Variants in EXOC4 observed in about 807,000 individuals in gnomAD.
EXOC4 encodes exocyst complex component 4.
In EXOC4, 71 loss-of-function variants were observed where a neutral mutation model predicts 107.2. The observed-to-expected ratio is 0.66, with a 90% CI of 0.55 to 0.81. The LOEUF is 0.81. Ranked by LOEUF, EXOC4 falls within the 30% of genes least tolerant of loss-of-function variation. The pLI is 0.00. For synonymous variants in EXOC4, 456 were observed against 441.2 expected, an observed-to-expected ratio of 1.03 and a Z score of -0.42; for missense variants, 1,108 against 1,189.6, an observed-to-expected ratio of 0.93 and a Z score of 1.01.
At position 134,064,314 on chromosome 7, in the gene EXOC4, A is replaced by T; in HGVS notation, c.2711A>T (p.Asn904Ile). The change falls in exon 18 of 18, where the codon AAC becomes ATC. Residue 904 changes from asparagine (N) to isoleucine (I), a missense_variant. Physicochemically the swap from Asn to Ile is moderately radical, Grantham distance 149. Coordinates refer to ENST00000253861, the MANE Select transcript of EXOC4 (RefSeq NM_021807.4). ...FARQYYEMLY[N>I]TADELLNLVV... ...AGGCAGTACTACGAGATGCTTTACA[A>T]CACAGCTGACGAGCTCCTGAACCTG... is the stretch of plus-strand genomic sequence containing the variant. The T allele has an allele frequency of 6.7e-7, 1 of 1,485,356 alleles. No homozygotes were observed. Among genetic ancestry groups the T allele is most frequent in the South Asian group, 1.4e-5 (1 of 72,344 alleles). The allele number at this position is 1,485,356 out of a possible 1,614,324, so 92.0% of individuals were successfully genotyped here.
chr7:134,061,424 C>T (rs1485016011), intron 17 of EXOC4, among the ~76,000 whole-genome samples: 2 of 152,192 alleles, frequency 1.3e-5, no homozygotes, highest in African/African-American at 4.8e-5. Context: ...CAAACAGACT[C>T]TGACTGAGTC....
intron 10 of EXOC4, among the ~76,000 whole-genome samples, chr7:133,699,946 C>G (rs1030247750): frequency 6.6e-6 from 1 of 152,158 alleles, no homozygotes; most frequent in Admixed American, 6.5e-5. Flanking sequence ...AAACCGAGGT[C>G]TGAGGTAGCT....
At chr7:133,287,144 T>A (rs187137320) in intron 2 of EXOC4, among the ~76,000 whole-genome samples, 64 of 152,274 alleles carry the variant, frequency 4.2e-4, no homozygotes, top group African/African-American at 1.4e-3. Context: ...TACCATCCCT[T>A]ATTTGCTGTT....
At chr7:133,627,083 A>G (rs1802474195) in intron 9 of EXOC4, among the ~76,000 whole-genome samples, 2 of 152,222 alleles carry the variant, frequency 1.3e-5, no homozygotes. Context: ...TCCTGGTGGG[A>G]AAAAGTGACA....
chr7:133,522,451 A>G (rs1166504988), intron 9 of EXOC4, among the ~76,000 whole-genome samples: 1 of 152,166 alleles, frequency 6.6e-6, no homozygotes, highest in African/African-American at 2.4e-5. Flanking sequence ...TTTATTTATA[A>G]GGCAATTGAA....
At chr7:133,380,095 G>A (rs567601741) in intron 7 of EXOC4, among the ~76,000 whole-genome samples, 1 of 151,812 alleles carries the variant, frequency 6.6e-6, no homozygotes, top group South Asian at 2.1e-4. Context: ...GTTGTGGGGT[G>A]GGGGGATGGG....
intron 10 of EXOC4, among the ~76,000 whole-genome samples, chr7:133,735,025 A>G (rs757730111): frequency 2.3e-4 from 34 of 146,610 alleles, no homozygotes; most frequent in Non-Finnish European, 4.3e-4. Flanking sequence ...CCTGTCCAAC[A>G]TGGTGAAACC....
Position 133,746,996 on chromosome 7 carries a change from A to C in EXOC4, c.1515-70329A>C, listed in dbSNP as rs548529314. ...AAGTCAGAGGTTCAGACTGGTGTTT[A>C]TTGACTGGGTAATACTAGTAGTACA... On this transcript the variant is annotated intron_variant, in intron 10 of 17. Transcript: ENST00000253861. Among the ~76,000 whole-genome samples the C allele has an allele frequency of 2.6e-5, 4 of 152,270 alleles. No individual in the cohort carries two copies. The South Asian group carries it at 8.3e-4, about 32-fold the overall frequency.
chr7:133,776,238 T>C (rs1435773911), intron 10 of EXOC4, among the ~76,000 whole-genome samples: 1 of 152,010 alleles, frequency 6.6e-6, no homozygotes, highest in African/African-American at 2.4e-5. Context: ...GTCGGTTCTA[T>C]GAATACAAAT....
chr7:133,828,462 C>G (rs1797746187), intron 11 of EXOC4, among the ~76,000 whole-genome samples: 1 of 152,190 alleles, frequency 6.6e-6, no homozygotes, highest in South Asian at 2.1e-4. Context: ...AGGTTCTTAT[C>G]CTAAGCAGTT....
chr7:134,092,258 T>C, the EXOC4 span, among the ~76,000 whole-genome samples: 6 of 152,086 alleles, frequency 3.9e-5, no homozygotes, highest in Non-Finnish European at 7.4e-5. Context: ...AAAGGGTAAA[T>C]ATTATGTATG....
chr7:133,298,407 G>T (rs1185265366), intron 3 of EXOC4, among the ~76,000 whole-genome samples: 1 of 152,036 alleles, frequency 6.6e-6, no homozygotes, highest in Non-Finnish European at 1.5e-5. Flanking sequence ...ACTTTTTCTT[G>T]TCCCAGAGTA....
At chr7:133,466,304 A>G (rs781658281) in intron 7 of EXOC4, among the ~76,000 whole-genome samples, 2 of 152,158 alleles carry the variant, frequency 1.3e-5, no homozygotes, top group Non-Finnish European at 2.9e-5. Flanking sequence ...CTTTAAGTAG[A>G]CCAACCAATT....
At chr7:133,922,037 C>T (rs571819177) in intron 13 of EXOC4, among the ~76,000 whole-genome samples, 1 of 152,260 alleles carries the variant, frequency 6.6e-6, no homozygotes, top group East Asian at 1.9e-4. Flanking sequence ...ATTTTTGTTA[C>T]AGTGTTTTTT....
At chr7:133,428,880 C>T (rs560578952) in intron 7 of EXOC4, among the ~76,000 whole-genome samples, 1 of 152,140 alleles carries the variant, frequency 6.6e-6, no homozygotes, top group South Asian at 2.1e-4. Context: ...AAATTTTTTT[C>T]TTTTGTGTTT....
chr7:133,372,333 G>GT (rs1796395646), intron 6 of EXOC4, among the ~76,000 whole-genome samples: 1 of 152,162 alleles, frequency 6.6e-6, no homozygotes, highest in African/African-American at 2.4e-5. Context: ...AGAGCTGCAA[G>GT]TTCCTAGCTA....
At chr7:133,642,672 C>T (rs1228032754) in intron 10 of EXOC4, among the ~76,000 whole-genome samples, 2 of 152,112 alleles carry the variant, frequency 1.3e-5, no homozygotes, top group South Asian at 2.1e-4. Context: ...ACACTACTTC[C>T]GGAGTGATCA....
chr7:133,960,010 G>A (rs1800905779), intron 14 of EXOC4, among the ~76,000 whole-genome samples: 1 of 152,106 alleles, frequency 6.6e-6, no homozygotes, highest in Non-Finnish European at 1.5e-5. Flanking sequence ...ACAAGAAATG[G>A]GGATTCTAGA....
intron 3 of EXOC4, among the ~76,000 whole-genome samples, chr7:133,300,781 T>C (rs1794624199): frequency 6.6e-6 from 1 of 152,226 alleles, no homozygotes; most frequent in Non-Finnish European, 1.5e-5. Flanking sequence ...GACTTGCTGC[T>C]ACAGCTGTTA....
Sources: allele counts gnomAD v4.1 joint callset (sites outside exome capture counted in the v4.1 genomes callset), GRCh38; gene constraint gnomAD v4.1.1; transcripts MANE v1.5; gene names NCBI Gene and HGNC (gene_info 2026-07-23, HGNC 2026-07-21).